EIF4E3: variants seen among roughly 807,000 people sequenced by gnomAD.
The protein encoded by EIF4E3 is eukaryotic translation initiation factor 4E family member 3.
Under a neutral mutation model 31.7 loss-of-function variants are expected in EIF4E3, and 26 were observed. The ratio of observed to expected loss-of-function variants is 0.82; its 90% confidence interval spans 0.60 to 1.14. The LOEUF is 1.14. Among genes scored for constraint, EIF4E3 ranks in the 50% most tolerant of loss-of-function variants. EIF4E3 has a pLI of 0.00. For synonymous variants in EIF4E3, 128 were observed against 107.7 expected (o/e 1.19, Z -1.17); for missense variants, 304 against 270.9 (o/e 1.12, Z -0.86).
Position 71,684,540 on chromosome 3 carries a change from C to A in EIF4E3, c.*142G>T, listed in dbSNP as rs991171063. On this transcript the variant is annotated 3_prime_UTR_variant, in exon 7 of 7. Coordinates refer to ENST00000425534, the MANE Select transcript of EIF4E3 (RefSeq NM_001134651.2). ...CCCACCCCACCTGCCACTTTGAGTCCTAATTGCCCATCTGCAAGGACAGAA... is the reference window on the plus strand; with the variant it reads ...CCCACCCCACCTGCCACTTTGAGTCATAATTGCCCATCTGCAAGGACAGAA... 1.2e-6 allele frequency: 1 copy of A among 812,668 alleles called. No homozygotes were observed. The highest frequency in any genetic ancestry group is 1.9e-6 in the Non-Finnish European group (1 of 523,858). 50.3% of individuals were successfully genotyped at this position (812,668 alleles called of 1,614,324 possible).
intron 5 of EIF4E3, 27 bp from the exon 6 acceptor site, chr3:71,690,192 AAT>A: frequency 6.3e-7 from 1 of 1,590,146 alleles, no homozygotes; most frequent in Non-Finnish European, 8.5e-7. Flanking sequence ...AAAAAAAAAA[AAT>A]GAGTGATACT....
Position 71,699,600 on chromosome 3 carries a change from C to T in EIF4E3, c.344+14G>A, listed in dbSNP as rs73088604. On this transcript the variant is annotated intron_variant, in intron 3 of 6. Transcript: ENST00000425534. Reference sequence around the variant, plus strand: ...CCTCCCACCTTGACCTTAAATTACACGTTAGACACTTACCAAAGTGGTCGC... The same window carrying T: ...CCTCCCACCTTGACCTTAAATTACATGTTAGACACTTACCAAAGTGGTCGC... 1.3e-4 allele frequency: 210 copies of T among 1,610,050 alleles called. No homozygotes were observed. The highest frequency in any genetic ancestry group is 1.5e-4 in the Admixed American group (9 of 59,974).
intron 1 of EIF4E3, among the ~76,000 whole-genome samples, chr3:71,713,437 TTTTG>T (rs908043294): frequency 3.9e-5 from 6 of 152,294 alleles, no homozygotes; most frequent in South Asian, 2.1e-4. Flanking sequence ...ATCCCAATTT[TTTTG>T]TTTGTTTGTT....
At position 71,696,473 on chromosome 3, in the gene EIF4E3, G is replaced by C. The variant is rs756639426; in HGVS notation, c.392C>G (p.Pro131Arg). Residue 131 changes from proline to arginine, a missense_variant, in exon 4 of 7, where the codon CCC (proline) becomes CGC (arginine). Transcript: ENST00000425534. ...GTAGGAACCTACCGTGCTGTCCTTG[G>C]GGACTTTCATCTTCCATACGCCACC... is the stretch of plus-strand genomic sequence containing the variant. ...AKGGVWKMKV[P>R]KDSTSTVWKE... 1.7e-5 allele frequency: 27 copies of C among 1,613,954 alleles called. No homozygotes were observed. Among genetic ancestry groups the C allele is most frequent in the Non-Finnish European group, 2.2e-5 (26 of 1,180,016 alleles).
At chr3:71,675,261 A>G (rs958367252), downstream of EIF4E3, among the ~76,000 whole-genome samples, 2 of 152,206 alleles carry the variant, frequency 1.3e-5, no homozygotes, top group Admixed American at 6.5e-5. Context: ...TTGGCCGTGA[A>G]TATGTTGAAG....
intron 1 of EIF4E3, among the ~76,000 whole-genome samples, chr3:71,747,819 A>G (rs1391052735): frequency 6.6e-6 from 1 of 152,106 alleles, no homozygotes; most frequent in East Asian, 1.9e-4. Flanking sequence ...TTGGGGCGCA[A>G]TTTCATTCTC....
upstream of EIF4E3, chr3:71,754,540 GCGA>G (rs1417137111): frequency 3.0e-6 from 4 of 1,347,220 alleles, no homozygotes; most frequent in South Asian, 1.7e-5. This position sits in a 1 kb window ranked among gnomAD's most constrained non-coding sequence, Gnocchi z 5.8. Context: ...GACGGCGGTG[GCGA>G]CGACGAGGAC....
intron 1 of EIF4E3, among the ~76,000 whole-genome samples, chr3:71,732,496 T>C (rs1260772691): frequency 6.6e-6 from 1 of 152,232 alleles, no homozygotes; most frequent in African/African-American, 2.4e-5. Flanking sequence ...CACACAGAAT[T>C]CCACTGATTG....
At position 71,676,568 on chromosome 3, in the gene EIF4E3, A is replaced by T. The variant is rs2048876509; in HGVS notation, c.*8114T>A. On this transcript the variant is annotated 3_prime_UTR_variant, in exon 7 of 7. Transcript: ENST00000425534. ...CAAAATGTTAAAATTTGGCCATGTG[A>T]TGCATGTCACTGTGTGTTATTGCTT... 1 of 152,194 alleles carries T rather than the reference A, an allele frequency of 6.6e-6. No homozygotes were observed. Among genetic ancestry groups the T allele is most frequent in the Non-Finnish European group, 1.5e-5 (1 of 68,042 alleles). 9.4% of individuals were successfully genotyped at this position (152,194 alleles called of 1,614,324 possible). A position where few individuals can be genotyped will look rare whatever the true frequency, so the allele number is the denominator to read the frequency against.
intron 1 of EIF4E3, among the ~76,000 whole-genome samples, chr3:71,711,114 T>C (rs1485583575): frequency 6.6e-5 from 10 of 152,224 alleles, no homozygotes. Context: ...TGTGTTCCAC[T>C]AGATGGCAAC....
At chr3:71,694,977 T>C (rs570246082) in intron 4 of EIF4E3, among the ~76,000 whole-genome samples, 165 of 152,240 alleles carry the variant, frequency 1.1e-3, no homozygotes, top group Non-Finnish European at 2.2e-3. Context: ...TAGTGTGTAT[T>C]ATTATGTCCT....
chr3:71,677,699 G>C lies in EIF4E3; in HGVS notation c.*6983C>G, dbSNP rs776282416. On this transcript the variant is annotated 3_prime_UTR_variant, in exon 7 of 7. Coordinates refer to ENST00000425534, the MANE Select transcript of EIF4E3 (RefSeq NM_001134651.2). ...TCACACATAAGATCCTGAATTGCTT[G>C]TTTCTGCAGGGAGAGATAGGAAAGT... 6.6e-6 allele frequency: 1 copy of C among 152,188 alleles called. No individual in the cohort carries two copies. Among genetic ancestry groups the C allele is most frequent in the Non-Finnish European group, 1.5e-5 (1 of 68,020 alleles). The allele number at this position is 152,188 out of a possible 1,614,324, so 9.4% of individuals were successfully genotyped here.
rs1366147111 is a variant in EIF4E3 at position 71,684,339 on chromosome 3, A to G, written c.*343T>C. 1.8e-5 allele frequency: 4 copies of G among 222,176 alleles called. No individual in the cohort carries two copies. Among genetic ancestry groups the G allele is most frequent in the East Asian group, 2.0e-4 (2 of 9,860 alleles). 13.8% of individuals were successfully genotyped at this position (222,176 alleles called of 1,614,324 possible). A position where few individuals can be genotyped will look rare whatever the true frequency, so the allele number is the denominator to read the frequency against. ...AGGGAAACCCATTTCTTGTGCCTCA[A>G]TGAAAGGGGAGTGTAGAAAACAATA... On this transcript the variant is annotated 3_prime_UTR_variant, in exon 7 of 7. Transcript: ENST00000425534.
chr3:71,729,798 ATGTGTGTGTG>A (rs3066626), upstream of EIF4E3, among the ~76,000 whole-genome samples: 1,055 of 129,758 alleles, frequency 8.1e-3, 16 homozygotes, highest in African/African-American at 0.028. Flanking sequence ...TTCCAATAGA[ATGTGTGTGTG>A]TGTGTGTGTG....
the EIF4E3 span, among the ~76,000 whole-genome samples, chr3:71,669,881 C>T: frequency 9.2e-4 from 140 of 152,282 alleles, no homozygotes; most frequent in Non-Finnish European, 1.6e-3. Context: ...GCAAAATGTC[C>T]AGTAGAAACT....
chr3:71,697,108 T>C (rs1324322385), intron 3 of EIF4E3, among the ~76,000 whole-genome samples: 1 of 151,854 alleles, frequency 6.6e-6, no homozygotes, highest in Non-Finnish European at 1.5e-5. Flanking sequence ...CTTGAACTCC[T>C]GGGCTCAAGC....
chr3:71,734,012 T>C (rs190842968), intron 1 of EIF4E3, among the ~76,000 whole-genome samples: 1 of 152,354 alleles, frequency 6.6e-6, no homozygotes, highest in African/African-American at 2.4e-5. Context: ...TCTTTTGTTT[T>C]ACCATCAGCA....
chr3:71,705,008 ATGCAAAGTCTG>A (rs2049269736), intron 2 of EIF4E3, among the ~76,000 whole-genome samples: 1 of 152,222 alleles, frequency 6.6e-6, no homozygotes, highest in Admixed American at 6.5e-5. Context: ...GTTATACTGG[ATGCAAAGTCTG>A]TGCTAGACAG....
intron 5 of EIF4E3, among the ~76,000 whole-genome samples, chr3:71,691,438 G>A (rs1166552992): frequency 1.3e-5 from 2 of 151,838 alleles, no homozygotes; most frequent in Admixed American, 6.6e-5. Flanking sequence ...TTTTTAAAAT[G>A]AATTTGATCC....
Sources: gnomAD v4.1 joint callset for allele counts (sites outside exome capture counted in the v4.1 genomes callset) on GRCh38, gnomAD v4.1.1 for gene constraint, Gnocchi (gnomAD v3.1) non-coding constraint, MANE v1.5 for transcripts, NCBI Gene and HGNC (gene_info 2026-07-23, HGNC 2026-07-21) for gene names.